BRD9: variants seen among roughly 807,000 people sequenced by gnomAD.
BRD9 encodes bromodomain-containing protein 9.
BRD9 carries 47 observed loss-of-function variants against 68.7 expected under a neutral mutation model. The observed-to-expected ratio is 0.68, with a 90% confidence interval of 0.54 to 0.87. The LOEUF (loss-of-function observed/expected upper bound fraction) is 0.87. BRD9 is among the 40% of genes least tolerant of loss of function. The probability of loss-of-function intolerance (pLI) is 0.00; values close to 1 mark genes in which losing one functional copy is unlikely to be tolerated. For synonymous variants in BRD9, 313 were observed against 293.9 expected, an observed-to-expected ratio of 1.06 and a Z score of -0.67; for missense variants, 670 against 748.4, an observed-to-expected ratio of 0.90 and a Z score of 1.22.
At position 875,973 on chromosome 5, in the gene BRD9, C is replaced by G; in HGVS notation, c.1383+128G>C. ...GTGCAGAGAAGCACGCAGATCCTGACGAGGAGCCGGCAGCAGAGTCCCTGC... is the reference window on the plus strand; with the variant it reads ...GTGCAGAGAAGCACGCAGATCCTGAGGAGGAGCCGGCAGCAGAGTCCCTGC... On this transcript the variant is annotated intron_variant, in intron 12 of 15. Coordinates refer to ENST00000467963, the MANE Select transcript of BRD9 (RefSeq NM_023924.5). 6.2e-6 allele frequency: 4 copies of G among 644,112 alleles called. No homozygotes were observed. The East Asian group carries it at 1.1e-4, about 18-fold the overall frequency. 39.9% of individuals were successfully genotyped at this position (644,112 alleles called of 1,614,324 possible).
intron 15 of BRD9, among the ~76,000 whole-genome samples, chr5:865,121 GA>G (rs1471758683): frequency 1.3e-5 from 2 of 152,342 alleles, no homozygotes; most frequent in East Asian, 3.9e-4. Context: ...CTCCCCAGCA[GA>G]AACACTGGAA....
chr5:881,361 G>C (rs879045963), intron 8 of BRD9, 179 bp from the exon 9 acceptor site: 12 of 637,028 alleles, frequency 1.9e-5, no homozygotes, highest in African/African-American at 1.8e-4. Flanking sequence ...AGCAGAGCGC[G>C]CACAGGTGCC....
rs1289094310 is a variant in BRD9, at chr5:876,189, G to A, written c.1295C>T (p.Ala432Val). Residue 432 changes from alanine (A) to valine (V), a missense_variant, in exon 12 of 16, where the codon GCT becomes GTT. Ala to Val is a moderately conservative substitution (Grantham distance 64). Coordinates refer to ENST00000467963, the MANE Select transcript of BRD9 (RefSeq NM_023924.5). ...CACCACTTTCTTGCTGTAGCTCCCA[G>A]CATCCTTCACAAACTCCTGCAGGCT... The part of the protein sequence containing the change: ...ALSLQEFVKD[A>V]GSYSKKVVDD... The A allele has an allele frequency of 6.2e-7, 1 of 1,613,826 alleles. No homozygotes were observed. The highest frequency in any genetic ancestry group is 1.1e-5 in the South Asian group (1 of 91,082).
intron 14 of BRD9, chr5:868,511 C>T (rs1307269719): frequency 1.3e-5 from 2 of 152,266 alleles, no homozygotes; most frequent in Non-Finnish European, 2.9e-5. Flanking sequence ...TGGGGTCCCC[C>T]CCAGTGCTAG....
chr5:881,058 A>G, intron 9 of BRD9, 49 bp downstream of exon 9: 1 of 1,576,516 alleles, frequency 6.3e-7, no homozygotes. Context: ...ACGGAGGCCC[A>G]AAAAGCAGTG....
At chr5:892,315 G>C (rs993948892) in intron 1 of BRD9, 10 of 604,026 alleles carry the variant, frequency 1.7e-5, no homozygotes, top group Non-Finnish European at 2.7e-5. Context: ...TTCTCCCTGA[G>C]CTCCACACAA....
At chr5:886,820 G>C (rs1752640135) in intron 6 of BRD9, 113 bp from the exon 7 acceptor site, 1 of 1,565,398 alleles carries the variant, frequency 6.4e-7, no homozygotes, top group Admixed American at 1.8e-5. Context: ...TCACAGCCAG[G>C]GTGCCGTGAC....
Position 889,239 on chromosome 5 carries a change from T to C in BRD9, c.462-74A>G, listed in dbSNP as rs749614326. 1.7e-5 allele frequency: 26 copies of C among 1,488,906 alleles called. No individual in the cohort carries two copies. In the Admixed American group the frequency reaches 2.6e-4, roughly 15 times the overall value. 92.2% of individuals were successfully genotyped at this position (1,488,906 alleles called of 1,614,324 possible). ...TACAAAATCTCTTACAATCCAAAAA[T>C]TGGATACAACTGACCGAATTTTGTT... On this transcript the variant is annotated intron_variant, in intron 4 of 15. Transcript: ENST00000467963.
Position 865,464 on chromosome 5 carries a change from G to A in BRD9, c.1643C>T (p.Ser548Phe). ...QAERGGSRPS[S>F]NLSSLSNASE... ...GGCGTTGGACAGGGAGCTGAGGTTG[G>A]ACGACGGCCGAGAGCCGCCGCGCTC... is the stretch of plus-strand genomic sequence containing the variant. The change falls in exon 15 of 16, where the codon TCC (serine) becomes TTC (phenylalanine). Residue 548 changes from serine (S) to phenylalanine (F), a missense_variant. Coordinates refer to ENST00000467963, the MANE Select transcript of BRD9 (RefSeq NM_023924.5). The A allele has an allele frequency of 1.3e-6, 2 of 1,598,528 alleles. No homozygotes were observed. The highest frequency in any genetic ancestry group is 1.3e-5 in the African/African-American group (1 of 74,826).
intron 13 of BRD9, 28 bp from the exon 14 acceptor site, chr5:870,603 A>G (rs1193039353): frequency 6.6e-7 from 1 of 1,518,702 alleles, no homozygotes. Flanking sequence ...CATCAAGAGC[A>G]ATTCAAACAT....
intron 9 of BRD9, 84 bp downstream of exon 9, chr5:881,023 C>T (rs906092045): frequency 1.4e-6 from 2 of 1,426,948 alleles, no homozygotes; most frequent in African/African-American, 2.8e-5. Context: ...ATGGCCATGG[C>T]TCAGCTTTTC....
intron 14 of BRD9, chr5:866,338 G>A (rs1405788808): frequency 5.9e-5 from 9 of 152,300 alleles, no homozygotes; most frequent in Non-Finnish European, 2.9e-5. Context: ...CAACACACAC[G>A]AAGGAGCAGG....
At chr5:885,286 A>G (rs1370711627) in intron 7 of BRD9, among the ~76,000 whole-genome samples, 2 of 152,314 alleles carry the variant, frequency 1.3e-5, no homozygotes, top group Admixed American at 6.5e-5. Context: ...GTTGCCAAGC[A>G]ACACACTCTG....
At chr5:887,518 C>T in intron 5 of BRD9, 47 bp from the exon 6 acceptor site, 1 of 1,438,174 alleles carries the variant, frequency 7.0e-7, no homozygotes, top group South Asian at 1.1e-5. Context: ...ATGCCACAGA[C>T]AACAGCAAAG....
intron 1 of BRD9, chr5:892,397 T>C: frequency 8.4e-7 from 1 of 1,194,212 alleles, no homozygotes; most frequent in African/African-American, 1.6e-5. Flanking sequence ...CCCAGAACCC[T>C]CTACCAGGAA....
intron 3 of BRD9, among the ~76,000 whole-genome samples, chr5:890,351 T>C (rs985395762): frequency 6.6e-6 from 1 of 152,182 alleles, no homozygotes; most frequent in East Asian, 1.9e-4. Flanking sequence ...CACTCCCTGA[T>C]GTCCCATGTC....
chr5:868,470 C>T (rs1749672717), intron 14 of BRD9: 1 of 152,290 alleles, frequency 6.6e-6, no homozygotes, highest in Non-Finnish European at 1.5e-5. Context: ...CCAGGGTCCC[C>T]TGGAAGGCAA....
At chr5:871,670 G>T (rs561785676) in intron 12 of BRD9, 106 bp from the exon 13 acceptor site, 1 of 1,044,092 alleles carries the variant, frequency 9.6e-7, no homozygotes, top group Non-Finnish European at 1.5e-6. Flanking sequence ...GCGCTTCTGC[G>T]AATTCTGCTC....
At chr5:869,198 C>T (rs1749785122) in intron 14 of BRD9, 1 of 390,716 alleles carries the variant, frequency 2.6e-6, no homozygotes, top group African/African-American at 2.1e-5. Flanking sequence ...CCAAAGTCAA[C>T]CTGGAAAATG....
Sources: allele counts gnomAD v4.1 joint callset (sites outside exome capture counted in the v4.1 genomes callset), GRCh38; gene constraint gnomAD v4.1.1; transcripts MANE v1.5; gene names NCBI Gene and HGNC (gene_info 2026-07-23, HGNC 2026-07-21).